Variants in LARP4B observed in about 807,000 individuals in gnomAD.
The protein encoded by LARP4B is la-related protein 4B.
In LARP4B, 12 loss-of-function variants were observed where a neutral mutation model predicts 89.8. The observed-to-expected ratio is 0.13, with a 90% CI of 0.09 to 0.22. The LOEUF is 0.22. Among genes scored for constraint, LARP4B ranks in the 10% least tolerant of loss-of-function variants. The pLI is 1.00. For synonymous variants in LARP4B, 367 were observed against 363.3 expected, an observed-to-expected ratio of 1.01 and a Z score of -0.12; for missense variants, 757 against 947.7, an observed-to-expected ratio of 0.80 and a Z score of 2.64.
chr10:914,204 A>G (rs1332854953), intron 1 of LARP4B, among the ~76,000 whole-genome samples: 2 of 152,158 alleles, frequency 1.3e-5, no homozygotes. Context: ...TTTCACTGGA[A>G]ATTCGAGTTA....
chr10:860,041 T>C (rs934515212), intron 5 of LARP4B, among the ~76,000 whole-genome samples: 1 of 142,508 alleles, frequency 7.0e-6, no homozygotes, highest in Non-Finnish European at 1.5e-5. Context: ...GTAATAATGA[T>C]GTGCCAATAT....
In LARP4B at chr10:825,890, G is replaced by C. The variant is rs761651103; in HGVS notation, c.1126-20C>G. On this transcript the variant is annotated intron_variant, in intron 11 of 17. Transcript: ENST00000316157. ...AGTTACCTAGATTCATTTGAAAACA[G>C]ACAAGTAAATAAACCATAAAACAGA... 1 of 1,493,422 alleles carries C rather than the reference G, an allele frequency of 6.7e-7. No homozygotes were observed. Among genetic ancestry groups the C allele is most frequent in the Non-Finnish European group, 9.3e-7 (1 of 1,077,548 alleles). 92.5% of individuals were successfully genotyped at this position (1,493,422 alleles called of 1,614,324 possible). A position where few individuals can be genotyped will look rare whatever the true frequency, so the allele number is the denominator to read the frequency against.
At chr10:945,472 G>A in the LARP4B span, among the ~76,000 whole-genome samples, 1 of 151,884 alleles carries the variant, frequency 6.6e-6, no homozygotes, top group South Asian at 2.1e-4. Flanking sequence ...GGATCACAAG[G>A]TCAGGAGATC....
intron 1 of LARP4B, among the ~76,000 whole-genome samples, chr10:902,819 A>G (rs1415051060): frequency 6.6e-6 from 1 of 151,914 alleles, no homozygotes; most frequent in Non-Finnish European, 1.5e-5. Flanking sequence ...TAGTTTTTGT[A>G]TTTTTAGTAG....
intron 5 of LARP4B, among the ~76,000 whole-genome samples, chr10:846,060 C>A (rs1457996409): frequency 6.6e-6 from 1 of 152,124 alleles, no homozygotes; most frequent in African/African-American, 2.4e-5. Context: ...AACACAAAAC[C>A]AAATCATGGG....
intron 3 of LARP4B, chr10:873,335 A>G: frequency 3.0e-6 from 3 of 985,462 alleles, no homozygotes; most frequent in Non-Finnish European, 3.6e-6. Flanking sequence ...ACTGACAGCC[A>G]GCATACTCCG....
chr10:866,239 A>G (rs1209162873), intron 3 of LARP4B, among the ~76,000 whole-genome samples: 4 of 152,186 alleles, frequency 2.6e-5, no homozygotes, highest in Non-Finnish European at 5.9e-5. Flanking sequence ...AGGGCAAATT[A>G]TTGGGTTCCT....
chr10:927,320 C>T (rs1837171102), intron 1 of LARP4B, among the ~76,000 whole-genome samples: 1 of 152,090 alleles, frequency 6.6e-6, no homozygotes, highest in South Asian at 2.1e-4. Context: ...GAAGGAAACA[C>T]AGCTGAGTTA....
At chr10:874,427 A>G (rs1835374395) in intron 3 of LARP4B, among the ~76,000 whole-genome samples, 1 of 152,210 alleles carries the variant, frequency 6.6e-6, no homozygotes, top group African/African-American at 2.4e-5. Context: ...AGAACTAGAA[A>G]GTCTCTTGAA....
intron 13 of LARP4B, 77 bp downstream of exon 13, chr10:824,988 T>C: frequency 1.5e-6 from 2 of 1,375,708 alleles, no homozygotes; most frequent in Non-Finnish European, 1.9e-6. Flanking sequence ...TTAAAGACAA[T>C]TACAAAACAT....
chr10:914,829 C>CACA (rs1836775195), intron 1 of LARP4B, among the ~76,000 whole-genome samples: 1 of 100,508 alleles, frequency 9.9e-6, no homozygotes, highest in African/African-American at 4.1e-5. Context: ...CACCCCCCAG[C>CACA]AAAGAAAAAA....
At chr10:859,986 CG>C (rs764569612) in intron 5 of LARP4B, among the ~76,000 whole-genome samples, 1 of 151,798 alleles carries the variant, frequency 6.6e-6, no homozygotes, top group Non-Finnish European at 1.5e-5. Context: ...ACCCACAGAA[CG>C]TACAACACCA....
At chr10:891,071 A>C (rs897302155) in intron 1 of LARP4B, among the ~76,000 whole-genome samples, 3 of 152,020 alleles carry the variant, frequency 2.0e-5, no homozygotes, top group African/African-American at 7.2e-5. Flanking sequence ...TAATACCTGT[A>C]TTTTTTTAGA....
chr10:964,686 C>T, the LARP4B span, among the ~76,000 whole-genome samples: 1 of 152,182 alleles, frequency 6.6e-6, no homozygotes, highest in Non-Finnish European at 1.5e-5. Context: ...ACCGGGTTTC[C>T]TGACCCCTCT....
chr10:817,038 T>C (rs1237785064), intron 15 of LARP4B, among the ~76,000 whole-genome samples: 2 of 151,992 alleles, frequency 1.3e-5, no homozygotes, highest in African/African-American at 4.8e-5. Context: ...CAACCTGGAG[T>C]GCTCAGCAGG....
chr10:824,414 A>G (rs1287966381), intron 13 of LARP4B, among the ~76,000 whole-genome samples: 2 of 152,100 alleles, frequency 1.3e-5, no homozygotes, highest in Admixed American at 1.3e-4. Context: ...GATTGCTTGA[A>G]CCCAGAAGTT....
At position 822,343 on chromosome 10, in the gene LARP4B, G is replaced by A. The variant is rs774089096; in HGVS notation, c.1485-1498C>T. Among the ~76,000 whole-genome samples, 1 of 152,206 alleles carries A rather than the reference G, an allele frequency of 6.6e-6. No individual in the cohort carries two copies. The highest frequency in any genetic ancestry group is 2.1e-4 in the South Asian group (1 of 4,836). On this transcript the variant is annotated intron_variant, in intron 13 of 17. Coordinates refer to ENST00000316157, the MANE Select transcript of LARP4B (RefSeq NM_015155.3). The surrounding 1 kb of genome is among the most constrained non-coding windows in gnomAD (Gnocchi z 4.6). ...CAGCCACATGGGCAGAGGACATCCC[G>A]CAGGGCTCGGCACAGGGCATCCCTC...
chr10:865,440 T>C (rs1227794429), intron 3 of LARP4B, among the ~76,000 whole-genome samples: 1 of 152,086 alleles, frequency 6.6e-6, no homozygotes, highest in Non-Finnish European at 1.5e-5. Context: ...AAGACGAAGT[T>C]CCCACTGCAG....
At chr10:972,912 C>A in the LARP4B span, 1 of 454,706 alleles carries the variant, frequency 2.2e-6, no homozygotes, top group Non-Finnish European at 4.4e-6. Flanking sequence ...TGAGCCACAT[C>A]GAGTTTTCTG....
Sources: allele counts gnomAD v4.1 joint callset (sites outside exome capture counted in the v4.1 genomes callset), GRCh38; gene constraint gnomAD v4.1.1; non-coding constraint Gnocchi (gnomAD v3.1); transcripts MANE v1.5; gene names NCBI Gene and HGNC (gene_info 2026-07-23, HGNC 2026-07-21).